TANC1: variants seen among roughly 807,000 people sequenced by gnomAD.
TANC1 encodes the protein tetratricopeptide repeat, ankyrin repeat and coiled-coil containing 1.
A neutral mutation model predicts 149.7 loss-of-function variants in TANC1; 77 were observed. The observed-to-expected ratio is 0.51, with a 90% CI of 0.43 to 0.62. The LOEUF (loss-of-function observed/expected upper bound fraction) is 0.62. TANC1 is among the 20% of genes least tolerant of loss of function. The pLI, the probability that TANC1 is intolerant of heterozygous loss-of-function variation, is 0.00. For synonymous variants in TANC1, 854 were observed against 925.0 expected (o/e 0.92, Z 1.39); for missense variants, 1,985 against 2,321.8 (o/e 0.85, Z 2.98).
intron 4 of TANC1, among the ~76,000 whole-genome samples, chr2:159,102,932 A>G (rs1156346259): frequency 1.2e-5 from 1 of 86,154 alleles, no homozygotes; most frequent in East Asian, 2.5e-4. Flanking sequence ...GTTAGCCAGG[A>G]TGGTCTCGAT....
chr2:159,176,272 G>A (rs1260705547), intron 12 of TANC1, 80 bp from the exon 13 acceptor site: 12 of 739,818 alleles, frequency 1.6e-5, no homozygotes, highest in Non-Finnish European at 2.3e-5. Flanking sequence ...ACACTAAACT[G>A]GGCACTAAAA....
At chr2:158,981,496 TATATATATATATATATATA>T (rs1559096107) in intron 1 of TANC1, among the ~76,000 whole-genome samples, 1 of 11,030 alleles carries the variant, frequency 9.1e-5, no homozygotes, top group East Asian at 1.8e-3. Context: ...AGCTTTTATA[TATATATATATATATATATA>T]TATATATATA....
At chr2:158,988,186 G>A (rs569754536) in intron 1 of TANC1, among the ~76,000 whole-genome samples, 6 of 151,880 alleles carry the variant, frequency 4.0e-5, no homozygotes, top group African/African-American at 7.3e-5. Flanking sequence ...TTAGCCGGTC[G>A]TGGTGGTGGG....
intron 24 of TANC1, chr2:159,226,998 G>C (rs1003328452): frequency 1.3e-5 from 2 of 152,200 alleles, no homozygotes; most frequent in Non-Finnish European, 2.9e-5. Flanking sequence ...AAAGATTATA[G>C]GGGAAAAACT....
rs1423579073 is a variant in TANC1, at chr2:159,226,462, C to T, written c.3903+683C>T. On this transcript the variant is annotated intron_variant, in intron 24 of 26. Coordinates refer to ENST00000263635, the MANE Select transcript of TANC1 (RefSeq NM_033394.3). ...ACAGTCATGAGACGTGGGAGAGGAA[C>T]ACCCAGCAGACATTTCTAGAAGAAA... 7.2e-5 allele frequency: 11 copies of T among 152,330 alleles called. No individual in the cohort carries two copies. In the East Asian group the frequency reaches 2.1e-3, roughly 29 times the overall value. The allele number at this position is 152,330 out of a possible 1,614,324, so 9.4% of individuals were successfully genotyped here.
At chr2:159,136,047 T>TGTGTGTGTGTGTGTGTGA in intron 4 of TANC1, 147 bp from the exon 5 acceptor site, 2 of 210,232 alleles carry the variant, frequency 9.5e-6, no homozygotes, top group Non-Finnish European at 9.1e-6. Flanking sequence ...TGTGTGTGTG[T>TGTGTGTGTGTGTGTGTGA]GTGCGCGCGC....
chr2:158,981,528 T>TATATATATAC (rs2034368709), intron 1 of TANC1, among the ~76,000 whole-genome samples: 2 of 114,544 alleles, frequency 1.7e-5, no homozygotes, highest in African/African-American at 6.6e-5. Flanking sequence ...TATATATATA[T>TATATATATAC]ATATATATAT....
At chr2:159,062,284 A>G (rs191484361) in intron 2 of TANC1, among the ~76,000 whole-genome samples, 16 of 152,282 alleles carry the variant, frequency 1.1e-4, no homozygotes, top group Admixed American at 5.2e-4. Flanking sequence ...ACATACACAT[A>G]TAGTAAAAAA....
At chr2:159,124,742 A>G (rs1273892006) in intron 4 of TANC1, among the ~76,000 whole-genome samples, 2 of 144,932 alleles carry the variant, frequency 1.4e-5, no homozygotes, top group Non-Finnish European at 3.0e-5. Context: ...AATCAGCTGC[A>G]TTTTTTTTTT....
intron 2 of TANC1, among the ~76,000 whole-genome samples, chr2:159,052,929 T>G (rs1162032243): frequency 6.6e-6 from 1 of 152,372 alleles, no homozygotes; most frequent in Non-Finnish European, 1.5e-5. Flanking sequence ...TTTGAACATT[T>G]TGCTATCTGT....
chr2:159,121,028 G>A (rs1365536796), intron 4 of TANC1, among the ~76,000 whole-genome samples: 1 of 152,180 alleles, frequency 6.6e-6, no homozygotes, highest in Non-Finnish European at 1.5e-5. Context: ...ATAGGTTCCA[G>A]GGAGTATGTC....
Position 159,227,856 on chromosome 2 carries a change from A to T in TANC1, c.3941A>T (p.Tyr1314Phe). Residue 1314 changes from tyrosine (Y) to phenylalanine (F), a missense_variant, in exon 25 of 27, where the codon TAT (tyrosine) becomes TTT (phenylalanine). Tyr to Phe is a conservative substitution (Grantham distance 22). This residue lies in a region of TANC1 where 920 missense variants were observed against 994.7 expected (regional missense o/e 0.92). Transcript: ENST00000263635. Reference sequence around the variant, plus strand: ...AAAGAGGCAGCCCAGAGGTACCAGTATGCCTTAAGAAAGTTTCCTCGAGAA... The same window carrying T: ...AAAGAGGCAGCCCAGAGGTACCAGTTTGCCTTAAGAAAGTTTCCTCGAGAA... ...KMKEAAQRYQYALRKFPREGF... is the reference protein window; with the variant it reads ...KMKEAAQRYQFALRKFPREGF... The T allele has an allele frequency of 1.9e-6, 3 of 1,614,200 alleles. No homozygotes were observed. The highest frequency in any genetic ancestry group is 2.5e-6 in the Non-Finnish European group (3 of 1,180,010).
At chr2:159,181,425 G>A (rs1024281911) in intron 14 of TANC1, among the ~76,000 whole-genome samples, 2 of 151,780 alleles carry the variant, frequency 1.3e-5, no homozygotes, top group South Asian at 2.1e-4. Context: ...GCCTTCCCAC[G>A]TAGCTGGGAC....
At chr2:159,136,002 T>TTGTGTGTGTGTGTGTGTGTG (rs754052800) in intron 4 of TANC1, among the ~76,000 whole-genome samples, 192 bp from the exon 5 acceptor site, 96 of 107,868 alleles carry the variant, frequency 8.9e-4, no homozygotes, top group Non-Finnish European at 1.3e-3. Context: ...TACTGAAATT[T>TTGTGTGTGTGTGTGTGTGTG]TGTGTGTGTG....
chr2:159,107,315 C>G (rs546645173), intron 4 of TANC1, among the ~76,000 whole-genome samples: 1 of 152,238 alleles, frequency 6.6e-6, no homozygotes, highest in African/African-American at 2.4e-5. Context: ...GCGTGAGCCA[C>G]CATGCCCAGC....
chr2:159,185,983 C>A (rs912554943), intron 15 of TANC1, 84 bp downstream of exon 15: 5 of 1,050,410 alleles, frequency 4.8e-6, no homozygotes, highest in Middle Eastern at 2.0e-4. Flanking sequence ...GCTCTGTCAG[C>A]CATCCAAGAA....
chr2:159,066,415 TAAAA>T (rs752419241), intron 3 of TANC1, among the ~76,000 whole-genome samples: 1 of 151,892 alleles, frequency 6.6e-6, no homozygotes, highest in Non-Finnish European at 1.5e-5. Flanking sequence ...CCCTGTCTCT[TAAAA>T]AAGAAAAAGG....
chr2:159,164,914 C>T (rs1162647350), intron 8 of TANC1, among the ~76,000 whole-genome samples: 2 of 152,164 alleles, frequency 1.3e-5, no homozygotes, highest in African/African-American at 2.4e-5. Context: ...GAACATTATA[C>T]GAGTTGACTG....
chr2:158,978,218 T>C (rs1249671577), intron 1 of TANC1, among the ~76,000 whole-genome samples: 1 of 152,178 alleles, frequency 6.6e-6, no homozygotes, highest in East Asian at 1.9e-4. Context: ...TCCACAGTTG[T>C]TAAACATCAC....
Sources: allele counts gnomAD v4.1 joint callset (sites outside exome capture counted in the v4.1 genomes callset), GRCh38; gene constraint gnomAD v4.1.1; regional missense constraint gnomAD v4.1.1; transcripts MANE v1.5; gene names NCBI Gene and HGNC (gene_info 2026-07-23, HGNC 2026-07-21).